The following MGLL variants were observed in gnomAD, a reference collection of about 807,000 sequenced individuals.
The protein encoded by MGLL is lysophospholipase homolog.
MGLL carries 7 observed loss-of-function variants against 29.1 expected under a neutral mutation model. That is an observed-to-expected ratio of 0.24 (90% CI 0.14 to 0.45). The LOEUF (loss-of-function observed/expected upper bound fraction) is 0.45, where lower values mean the gene tolerates loss of function less well. Ranked by LOEUF, MGLL falls within the 20% of genes least tolerant of loss-of-function variation. The pLI, the probability that MGLL is intolerant of heterozygous loss-of-function variation, is 0.99. For missense variants in MGLL, 356 were observed against 413.6 expected, an observed-to-expected ratio of 0.86 and a Z score of 1.21; for synonymous variants, 148 against 168.3, an observed-to-expected ratio of 0.88 and a Z score of 0.93.
chr3:127,791,981 T>C (rs1255002052), intron 2 of MGLL, among the ~76,000 whole-genome samples: 1 of 152,112 alleles, frequency 6.6e-6, no homozygotes, highest in East Asian at 1.9e-4. Context: ...GAAAGGAGAA[T>C]TGCTTGAACC....
upstream of MGLL, chr3:127,822,519 G>A: frequency 4.9e-6 from 3 of 613,022 alleles, no homozygotes; most frequent in Non-Finnish European, 8.7e-6. Flanking sequence ...GCTCTCCGGG[G>A]CTCCCCTCCC....
intron 3 of MGLL, among the ~76,000 whole-genome samples, chr3:127,763,761 C>T (rs945079125): frequency 1.3e-5 from 2 of 152,192 alleles, no homozygotes; most frequent in African/African-American, 4.8e-5. Context: ...TACTGCCCTC[C>T]CGTCCTCAAA....
At chr3:127,780,389 G>C (rs891661685) in intron 3 of MGLL, among the ~76,000 whole-genome samples, 3 of 152,024 alleles carry the variant, frequency 2.0e-5, no homozygotes, top group East Asian at 1.9e-4. Flanking sequence ...AAATGCAATA[G>C]GAAAAAAAAA....
intron 2 of MGLL, among the ~76,000 whole-genome samples, chr3:127,789,665 T>C (rs896123988): frequency 2.0e-5 from 3 of 150,424 alleles, no homozygotes; most frequent in African/African-American, 7.4e-5. Flanking sequence ...GCCACTGCAC[T>C]CCACTCCACT....
intron 5 of MGLL, among the ~76,000 whole-genome samples, chr3:127,715,054 C>A (rs2075788856): frequency 6.6e-6 from 1 of 151,990 alleles, no homozygotes; most frequent in Non-Finnish European, 1.5e-5. Flanking sequence ...GGCTCCTGGG[C>A]ATTCATGTGC....
intron 6 of MGLL, among the ~76,000 whole-genome samples, chr3:127,710,024 C>A (rs2075680106): frequency 6.6e-6 from 1 of 152,212 alleles, no homozygotes; most frequent in Non-Finnish European, 1.5e-5. Context: ...ATAATCCAGG[C>A]CTGGATAATC....
chr3:127,787,556 A>G (rs1004119407), intron 2 of MGLL, among the ~76,000 whole-genome samples: 4 of 152,238 alleles, frequency 2.6e-5, no homozygotes, highest in Admixed American at 6.5e-5. Flanking sequence ...ATATTTTGTT[A>G]GAGGAAATGT....
At chr3:127,784,271 C>T (rs2077177317) in intron 2 of MGLL, among the ~76,000 whole-genome samples, 1 of 152,162 alleles carries the variant, frequency 6.6e-6, no homozygotes, top group Admixed American at 6.5e-5. Context: ...TGCCTGGGTC[C>T]CACTCCCAGG....
At chr3:127,774,894 A>G (rs1457511928) in intron 3 of MGLL, among the ~76,000 whole-genome samples, 1 of 152,196 alleles carries the variant, frequency 6.6e-6, no homozygotes, top group East Asian at 1.9e-4. Context: ...ACGGCCACAG[A>G]GCAACCTTGT....
chr3:127,781,191 GTA>G (rs1308676740), intron 3 of MGLL, among the ~76,000 whole-genome samples: 1 of 152,148 alleles, frequency 6.6e-6, no homozygotes. Flanking sequence ...ATGTATGTGT[GTA>G]TGTGTGTTTT....
intron 1 of MGLL, 66 bp from the exon 2 acceptor site, chr3:127,821,904 A>C: frequency 6.5e-7 from 1 of 1,535,244 alleles, no homozygotes; most frequent in Non-Finnish European, 8.9e-7. Context: ...ATAGGAGAGA[A>C]AAGTCTAGTT....
chr3:127,722,711 GT>G (rs1326900768), intron 3 of MGLL, 145 bp from the exon 4 acceptor site: 1 of 1,171,614 alleles, frequency 8.5e-7, no homozygotes, highest in Non-Finnish European at 1.2e-6. Context: ...ACTCTTGAAC[GT>G]TGGAATTCTT....
intron 3 of MGLL, among the ~76,000 whole-genome samples, chr3:127,773,398 T>G (rs1236118487): frequency 1.3e-5 from 2 of 152,254 alleles, no homozygotes; most frequent in African/African-American, 4.8e-5. Context: ...TCTCACCTCC[T>G]GGCAGCGCTG....
intron 3 of MGLL, among the ~76,000 whole-genome samples, chr3:127,774,533 T>C (rs188609661): frequency 1.4e-4 from 21 of 152,372 alleles, no homozygotes; most frequent in Middle Eastern, 6.8e-3. Context: ...TTTCTCCATA[T>C]TTCCCTGTTC....
rs774965066 is a variant in MGLL, at chr3:127,737,630, CTT to C, written c.263-15066_263-15065del. On this transcript the variant is annotated intron_variant, in intron 3 of 7. Transcript: ENST00000265052. Reference sequence around the variant, plus strand: ...GACACAGTGAAATCATCAACTGCTTCTTTTTTTTTTTTTTTTTTTTTTTTTTT... The same window carrying C: ...GACACAGTGAAATCATCAACTGCTTCTTTTTTTTTTTTTTTTTTTTTTTTT... Among the ~76,000 whole-genome samples, 124 of 68,610 alleles carry C rather than the reference CTT, an allele frequency of 1.8e-3. 2 individuals are homozygous for C. The highest frequency in any genetic ancestry group is 8.6e-3 in the African/African-American group (117 of 13,580). 45.0% of individuals were successfully genotyped at this position (68,610 alleles called of 152,430 possible).
chr3:127,747,153 T>A (rs989107184), intron 3 of MGLL, among the ~76,000 whole-genome samples: 1 of 152,146 alleles, frequency 6.6e-6, no homozygotes, highest in Admixed American at 6.5e-5. Context: ...TGCTCTTTGA[T>A]GGGCTGTTGG....
At chr3:127,802,334 G>C (rs1248820725) in intron 2 of MGLL, among the ~76,000 whole-genome samples, 1 of 152,198 alleles carries the variant, frequency 6.6e-6, no homozygotes, top group Non-Finnish European at 1.5e-5. Flanking sequence ...GGCCCACCGA[G>C]GCGGTCAGCA....
intron 7 of MGLL, among the ~76,000 whole-genome samples, chr3:127,694,321 A>G (rs2075310593): frequency 1.1e-5 from 1 of 88,206 alleles, no homozygotes; most frequent in Admixed American, 1.1e-4. Context: ...ATGTGTGTAT[A>G]TATATATGTG....
intron 7 of MGLL, among the ~76,000 whole-genome samples, chr3:127,694,512 G>C (rs1208443147): frequency 6.6e-6 from 1 of 151,918 alleles, no homozygotes; most frequent in Non-Finnish European, 1.5e-5. Flanking sequence ...GCTAGCTCTG[G>C]CAGCTCCCTT....
Sources: gnomAD v4.1 joint callset for allele counts (sites outside exome capture counted in the v4.1 genomes callset) on GRCh38, gnomAD v4.1.1 for gene constraint, MANE v1.5 for transcripts, NCBI Gene and HGNC (gene_info 2026-07-23, HGNC 2026-07-21) for gene names.